Variants in FAM174A observed in about 807,000 individuals in gnomAD.
FAM174A encodes family with sequence similarity 174 member A, also known as membrane protein FAM174A.
In FAM174A, 14 loss-of-function variants were observed where a neutral mutation model predicts 14.3. That is an observed-to-expected ratio of 0.98 (90% CI 0.65 to 1.53). FAM174A has a LOEUF of 1.53. Ranked by LOEUF, FAM174A falls within the 40% of genes most tolerant of loss-of-function variation. The pLI, the probability that FAM174A is intolerant of heterozygous loss-of-function variation, is 0.00. For missense variants in FAM174A, 241 were observed against 249.6 expected, an observed-to-expected ratio of 0.97 and a Z score of 0.23; for synonymous variants, 108 against 111.4, an observed-to-expected ratio of 0.97 and a Z score of 0.19.
At position 100,535,479 on chromosome 5, in the gene FAM174A, C is replaced by A; in HGVS notation, c.-52C>A. On this transcript the variant is annotated 5_prime_UTR_variant, in exon 1 of 3. Transcript: ENST00000312637. ...CCGCGCCTATGGTCCCTCTTGGAGC[C>A]AGCGTGGCGGGCCTGGCGGCTCCCG... 1 of 1,595,208 alleles carries A rather than the reference C, an allele frequency of 6.3e-7. No homozygotes were observed. The highest frequency in any genetic ancestry group is 8.6e-7 in the Non-Finnish European group (1 of 1,168,292).
chr5:100,566,390 C>A (rs899060203), intron 2 of FAM174A, among the ~76,000 whole-genome samples: 2 of 151,156 alleles, frequency 1.3e-5, no homozygotes, highest in African/African-American at 4.9e-5. Flanking sequence ...TAGGGGTTAA[C>A]AGGGGCTGCA....
intron 2 of FAM174A, among the ~76,000 whole-genome samples, chr5:100,568,808 C>G (rs950758521): frequency 6.6e-6 from 1 of 151,914 alleles, no homozygotes; most frequent in African/African-American, 2.4e-5. Flanking sequence ...TAGTCAGATA[C>G]TGTGTTCATA....
chr5:100,558,339 A>G (rs1418636115), intron 1 of FAM174A, among the ~76,000 whole-genome samples: 2 of 152,094 alleles, frequency 1.3e-5, no homozygotes, highest in African/African-American at 4.8e-5. Flanking sequence ...ACATTTGCTG[A>G]GGAGTGCTTT....
At chr5:100,547,214 A>G (rs1399971726) in intron 1 of FAM174A, among the ~76,000 whole-genome samples, 1 of 152,014 alleles carries the variant, frequency 6.6e-6, no homozygotes, top group Non-Finnish European at 1.5e-5. Flanking sequence ...ATGATTAACC[A>G]TTTCTGTCCA....
At chr5:100,558,610 A>G (rs1345483650) in intron 1 of FAM174A, among the ~76,000 whole-genome samples, 2 of 151,844 alleles carry the variant, frequency 1.3e-5, no homozygotes, top group Non-Finnish European at 2.9e-5. Flanking sequence ...TGCTTTATGA[A>G]TCTGGGTGGT....
intron 1 of FAM174A, among the ~76,000 whole-genome samples, chr5:100,559,024 TCCTAGCCTC>T (rs1480449030): frequency 3.3e-5 from 5 of 152,206 alleles, no homozygotes; most frequent in Admixed American, 6.6e-5. Context: ...TGCACTTTCT[TCCTAGCCTC>T]GAGGGTCTTT....
intron 1 of FAM174A, among the ~76,000 whole-genome samples, chr5:100,559,140 C>CA (rs1214035984): frequency 6.6e-6 from 1 of 152,092 alleles, no homozygotes. Flanking sequence ...CTGATGGTGA[C>CA]AAAATCTCTC....
At chr5:100,567,310 A>G (rs1464353222) in intron 2 of FAM174A, among the ~76,000 whole-genome samples, 1 of 151,858 alleles carries the variant, frequency 6.6e-6, no homozygotes, top group Non-Finnish European at 1.5e-5. Flanking sequence ...TGTAGCAGCT[A>G]TCTATTTGCC....
intron 1 of FAM174A, among the ~76,000 whole-genome samples, chr5:100,545,379 A>G (rs896784365): frequency 6.6e-6 from 1 of 152,138 alleles, no homozygotes; most frequent in Admixed American, 6.6e-5. Context: ...GCGTTTTTGG[A>G]TAGATTTTTA....
At chr5:100,565,029 G>A (rs145205664) in intron 2 of FAM174A, among the ~76,000 whole-genome samples, 2 of 151,868 alleles carry the variant, frequency 1.3e-5, no homozygotes, top group African/African-American at 2.4e-5. Flanking sequence ...TATGAGGCTA[G>A]TGTTATCCTG....
At chr5:100,582,784 G>T (rs1434335641) in intron 2 of FAM174A, among the ~76,000 whole-genome samples, 1 of 152,064 alleles carries the variant, frequency 6.6e-6, no homozygotes, top group Non-Finnish European at 1.5e-5. Flanking sequence ...ATACCTAGTA[G>T]CTTGTAGCTT....
intron 2 of FAM174A, among the ~76,000 whole-genome samples, chr5:100,566,011 C>A (rs1226230104): frequency 6.6e-6 from 1 of 150,974 alleles, no homozygotes; most frequent in Non-Finnish European, 1.5e-5. Context: ...AAACTTGCCC[C>A]TGTGTTTCAA....
intron 2 of FAM174A, among the ~76,000 whole-genome samples, chr5:100,569,147 G>A (rs191574102): frequency 4.3e-4 from 65 of 151,346 alleles, no homozygotes; most frequent in African/African-American, 1.4e-3. Context: ...TAGTTTTTTT[G>A]GTAAAAGTTG....
At chr5:100,551,596 C>A (rs1314654787) in intron 1 of FAM174A, among the ~76,000 whole-genome samples, 1 of 152,088 alleles carries the variant, frequency 6.6e-6, no homozygotes, top group Non-Finnish European at 1.5e-5. Context: ...CAGGCCCTTC[C>A]CTAACAATTC....
intron 1 of FAM174A, among the ~76,000 whole-genome samples, chr5:100,547,526 G>A (rs1272934313): frequency 6.6e-6 from 1 of 152,118 alleles, no homozygotes; most frequent in South Asian, 2.1e-4. Context: ...TGGGAAAACT[G>A]TGCTAAGCTG....
chr5:100,579,301 A>G (rs1387354355), intron 2 of FAM174A, among the ~76,000 whole-genome samples: 2 of 152,182 alleles, frequency 1.3e-5, no homozygotes, highest in Non-Finnish European at 2.9e-5. Context: ...CTTCACTTCA[A>G]ATTGATCCAA....
At chr5:100,569,136 A>G (rs1053788814) in intron 2 of FAM174A, among the ~76,000 whole-genome samples, 1 of 151,894 alleles carries the variant, frequency 6.6e-6, no homozygotes, top group South Asian at 2.1e-4. Flanking sequence ...TATCTTCCCT[A>G]TAGTTTTTTT....
intron 1 of FAM174A, among the ~76,000 whole-genome samples, chr5:100,557,448 C>T (rs1561317073): frequency 6.6e-6 from 1 of 152,116 alleles, no homozygotes; most frequent in Non-Finnish European, 1.5e-5. Context: ...ATGCTGGCCT[C>T]ATAAAATGAG....
intron 1 of FAM174A, among the ~76,000 whole-genome samples, chr5:100,552,709 C>G (rs1746288784): frequency 1.3e-5 from 2 of 152,026 alleles, no homozygotes; most frequent in African/African-American, 2.4e-5. Flanking sequence ...TTTTGATACT[C>G]TAACTTATAT....
Sources: allele counts gnomAD v4.1 joint callset (sites outside exome capture counted in the v4.1 genomes callset), GRCh38; gene constraint gnomAD v4.1.1; transcripts MANE v1.5; gene names NCBI Gene and HGNC (gene_info 2026-07-23, HGNC 2026-07-21).